Variants in TRIP12 observed in about 807,000 individuals in gnomAD.
TRIP12 encodes the protein thyroid hormone receptor interactor 12.
TRIP12 carries 25 observed loss-of-function variants against 244.2 expected under a neutral mutation model. That is an observed-to-expected ratio of 0.10 (90% CI 0.07 to 0.14). The LOEUF is 0.14. Ranked by LOEUF, TRIP12 falls within the 10% of genes least tolerant of loss-of-function variation. TRIP12 has a pLI of 1.00. For missense variants in TRIP12, 1,677 were observed against 2,486.4 expected (o/e 0.67, Z 6.92); for synonymous variants, 905 against 873.1 (o/e 1.04, Z -0.64).
intron 39 of TRIP12, 112 bp from the exon 40 acceptor site, chr2:229,769,437 T>A (rs2033294922): frequency 7.3e-6 from 5 of 683,564 alleles, no homozygotes; most frequent in Non-Finnish European, 1.1e-5. Context: ...TACTAAAACC[T>A]TCTGCTTGGG....
chr2:229,871,960 CAGG>C (rs1354596140), intron 2 of TRIP12, among the ~76,000 whole-genome samples: 1 of 151,762 alleles, frequency 6.6e-6, no homozygotes, highest in Non-Finnish European at 1.5e-5. Context: ...TGAGAATGTT[CAGG>C]TGTGGCATCA....
intron 4 of TRIP12, among the ~76,000 whole-genome samples, chr2:229,846,596 G>T (rs1223546056): frequency 7.2e-5 from 11 of 151,900 alleles, no homozygotes; most frequent in Admixed American, 2.0e-4. Context: ...TCTTGTGGTG[G>T]CTGGGAACTG....
chr2:229,855,957 G>A (rs559557394), intron 4 of TRIP12, among the ~76,000 whole-genome samples: 2 of 151,418 alleles, frequency 1.3e-5, no homozygotes, highest in South Asian at 4.2e-4. Context: ...AGAATTGCCC[G>A]AACCTGGGAG....
chr2:229,911,845 A>G (rs1245810088), intron 1 of TRIP12, among the ~76,000 whole-genome samples: 1 of 152,168 alleles, frequency 6.6e-6, no homozygotes, highest in Non-Finnish European at 1.5e-5. Context: ...AAGTATTTAC[A>G]TATTTATCCC....
Position 229,791,874 on chromosome 2 carries a change from A to G in TRIP12, c.4407T>C (p.His1469=). Residue 1469 remains histidine, a synonymous_variant, in exon 29 of 42, where the codon CAT becomes CAC. Transcript: ENST00000675903. ...LGRAGIWTKT[H]TIWYKPVRED... ...AGAATTTTCAGACTTGCCATATTGT[A>G]TGAGTCTTTGTCCAAATACCAGCTC... is the stretch of plus-strand genomic sequence containing the variant. 3 of 1,613,834 alleles carry G rather than the reference A, an allele frequency of 1.9e-6. No homozygotes were observed. The highest frequency in any genetic ancestry group is 2.5e-6 in the Non-Finnish European group (3 of 1,179,892).
chr2:229,825,848 T>G (rs1319152697), intron 8 of TRIP12, among the ~76,000 whole-genome samples: 1 of 152,156 alleles, frequency 6.6e-6, no homozygotes, highest in Non-Finnish European at 1.5e-5. Flanking sequence ...TTACTAAGGT[T>G]ATGGCCAAAA....
chr2:229,922,973 C>T (rs1169218416), upstream of TRIP12, among the ~76,000 whole-genome samples: 6 of 152,224 alleles, frequency 3.9e-5, no homozygotes, highest in Non-Finnish European at 7.3e-5. Context: ...AAGAACGACT[C>T]AGCCAAGTGT....
chr2:229,807,391 G>C (rs2046143820), intron 17 of TRIP12: 2 of 336,676 alleles, frequency 5.9e-6, no homozygotes, highest in South Asian at 6.8e-5. Flanking sequence ...CTTTCTGATA[G>C]AAGATAGATA....
chr2:229,867,154 T>TG (rs2061668572), intron 2 of TRIP12, among the ~76,000 whole-genome samples: 2 of 92,458 alleles, frequency 2.2e-5, no homozygotes, highest in African/African-American at 7.1e-5. Context: ...GGAAGGTTTT[T>TG]TTTTGTTTGT....
At chr2:229,900,041 A>G (rs1423163582) in intron 1 of TRIP12, among the ~76,000 whole-genome samples, 3 of 152,214 alleles carry the variant, frequency 2.0e-5, no homozygotes, top group African/African-American at 7.2e-5. Flanking sequence ...TTTAACTGAC[A>G]TGGGTTTATT....
chr2:229,853,275 A>G (rs1017741215), intron 4 of TRIP12, among the ~76,000 whole-genome samples: 5 of 152,234 alleles, frequency 3.3e-5, no homozygotes, highest in Admixed American at 2.0e-4. Context: ...TATAATTTTT[A>G]GATTTTTATT....
At chr2:229,777,238 A>C in intron 37 of TRIP12, 77 bp downstream of exon 37, 1 of 1,468,966 alleles carries the variant, frequency 6.8e-7, no homozygotes, top group Non-Finnish European at 9.3e-7. Flanking sequence ...AACTGAGTCA[A>C]ATACAAACTA....
At chr2:229,906,841 A>G (rs888385297) in intron 1 of TRIP12, among the ~76,000 whole-genome samples, 1 of 152,188 alleles carries the variant, frequency 6.6e-6, no homozygotes, top group African/African-American at 2.4e-5. Context: ...CAAGATTTTT[A>G]TAAATCTGAG....
rs758321723 is a variant in TRIP12, at chr2:229,858,977, C to A, written c.822G>T (p.Arg274Ser). The A allele has an allele frequency of 6.2e-7, 1 of 1,614,068 alleles. No individual in the cohort carries two copies. Among genetic ancestry groups the A allele is most frequent in the African/African-American group, 1.3e-5 (1 of 74,920 alleles). The change falls in exon 4 of 42, where the codon AGG becomes AGT. Residue 274 changes from arginine (R) to serine (S), a missense_variant. Around this residue, in one of 11 missense-constraint regions of TRIP12, gnomAD observed 387 missense variants for 392.6 expected, o/e 0.99. Transcript: ENST00000675903. ...VKQGKDQNKA[R>S]RSRSASSPSP... The stretch of plus-strand genomic sequence containing the variant: ...TGGGACTGGACGCTGAACGGGAACG[C>A]CTGGCCTTGTTCTGATCTTTTCCTT...
At chr2:229,791,673 G>A (rs1255379779) in intron 29 of TRIP12, 193 bp downstream of exon 29, 9 of 604,370 alleles carry the variant, frequency 1.5e-5, no homozygotes, top group African/African-American at 5.6e-5. Context: ...TACATTTTCC[G>A]GTAGAATGAA....
At position 229,767,472 on chromosome 2, in the gene TRIP12, T is replaced by C; in HGVS notation, c.*82A>G. ...AACAAGAAGGCGTAACATGTTTCCT[T>C]GACTCAGGTGATAACATTAGAAAAG... On this transcript the variant is annotated 3_prime_UTR_variant, in exon 42 of 42. Transcript: ENST00000675903. The C allele has an allele frequency of 6.8e-7, 1 of 1,463,578 alleles. No individual in the cohort carries two copies. The highest frequency in any genetic ancestry group is 1.5e-5 in the South Asian group (1 of 67,180). 90.7% of individuals were successfully genotyped at this position (1,463,578 alleles called of 1,614,324 possible). A position where few individuals can be genotyped will look rare whatever the true frequency, so the allele number is the denominator to read the frequency against.
At chr2:229,825,502 T>C (rs1421813127) in intron 8 of TRIP12, among the ~76,000 whole-genome samples, 1 of 152,204 alleles carries the variant, frequency 6.6e-6, no homozygotes, top group Non-Finnish European at 1.5e-5. Context: ...GACTCACAGT[T>C]TGGCATGGCT....
At chr2:229,800,608 G>C (rs1258333587) in intron 21 of TRIP12, among the ~76,000 whole-genome samples, 2 of 152,094 alleles carry the variant, frequency 1.3e-5, no homozygotes, top group African/African-American at 4.8e-5. Flanking sequence ...AAATTAACAT[G>C]AATTTTTCAT....
intron 1 of TRIP12, among the ~76,000 whole-genome samples, chr2:229,904,416 CAAAAA>C (rs34224407): frequency 2.3e-5 from 2 of 87,624 alleles, no homozygotes; most frequent in African/African-American, 4.7e-5. Flanking sequence ...ACTCCATCTC[CAAAAA>C]AAAAAAAAAA....
Sources: allele counts gnomAD v4.1 joint callset (sites outside exome capture counted in the v4.1 genomes callset), GRCh38; gene constraint gnomAD v4.1.1; regional missense constraint gnomAD v4.1.1; transcripts MANE v1.5; gene names NCBI Gene and HGNC (gene_info 2026-07-23, HGNC 2026-07-21).